BCL2L11: variants seen among roughly 807,000 people sequenced by gnomAD.
The protein encoded by BCL2L11 is bcl-2-like protein 11.
Under a neutral mutation model 20.6 loss-of-function variants are expected in BCL2L11, and 15 were observed. The observed-to-expected ratio is 0.73, with a 90% CI of 0.49 to 1.12. The LOEUF (loss-of-function observed/expected upper bound fraction) is 1.12, where lower values mean the gene tolerates loss of function less well. BCL2L11 is among the 50% of genes most tolerant of loss of function. The pLI is 0.00. For synonymous variants in BCL2L11, 108 were observed against 92.8 expected, an observed-to-expected ratio of 1.16 and a Z score of -0.94; for missense variants, 292 against 260.9, an observed-to-expected ratio of 1.12 and a Z score of -0.82.
intron 3 of BCL2L11, among the ~76,000 whole-genome samples, chr2:111,163,861 CTTTTTTTTTTTT>C (rs10547953): frequency 9.6e-6 from 1 of 104,706 alleles, no homozygotes; most frequent in South Asian, 3.6e-4. Flanking sequence ...TTTTTGAGTG[CTTTTTTTTTTTT>C]TTTTTTTTTT....
chr2:111,134,971 C>T (rs1334455540), intron 2 of BCL2L11, among the ~76,000 whole-genome samples: 1 of 152,166 alleles, frequency 6.6e-6, no homozygotes, highest in Admixed American at 6.5e-5. Context: ...TGTGATGTGT[C>T]TTGTCATGGG....
rs1041637510 is a variant in BCL2L11 at position 111,123,763 on chromosome 2, T to C, written c.18T>C (p.Ser6=). The change falls in exon 2 of 4, where the codon TCT becomes TCC. Residue 6 remains serine, a synonymous_variant. Coordinates refer to ENST00000393256, the MANE Select transcript of BCL2L11 (RefSeq NM_138621.5). MAKQP[S]DVSSECDREG... is the part of the protein sequence containing the mutation. ...AAGACCAAATGGCAAAGCAACCTTC[T>C]GATGTAAGTTCTGAGTGTGACCGAG... 3 of 1,391,116 alleles carry C rather than the reference T, an allele frequency of 2.2e-6. No homozygotes were observed. Among genetic ancestry groups the C allele is most frequent in the Non-Finnish European group, 9.4e-7 (1 of 1,065,382 alleles). 86.2% of individuals were successfully genotyped at this position (1,391,116 alleles called of 1,614,324 possible).
At chr2:111,142,419 TG>T in intron 2 of BCL2L11, 1 of 1,534,244 alleles carries the variant, frequency 6.5e-7, no homozygotes, top group Non-Finnish European at 8.8e-7. Context: ...TTATTCAAAA[TG>T]GGATAAAAAG....
intron 1 of BCL2L11, chr2:111,123,356 G>C (rs965076171): frequency 1.0e-6 from 1 of 985,374 alleles, no homozygotes; most frequent in Admixed American, 6.1e-5. Flanking sequence ...CCTGTGCTCC[G>C]GCGTCCTACC....
chr2:111,144,407 G>A (rs973966501), intron 2 of BCL2L11: 103 of 1,445,954 alleles, frequency 7.1e-5, no homozygotes, highest in Non-Finnish European at 9.3e-5. Context: ...TCTGAGAACC[G>A]TCAGAGTTGA....
chr2:111,133,522 A>G (rs1057472901), intron 2 of BCL2L11, among the ~76,000 whole-genome samples: 4 of 152,186 alleles, frequency 2.6e-5, no homozygotes, highest in African/African-American at 9.7e-5. Flanking sequence ...ATTTCCAAAA[A>G]TACCTAAGTG....
At position 111,150,262 on chromosome 2, in the gene BCL2L11, G is replaced by T. The variant is rs1389543370; in HGVS notation, c.498+115G>T. On this transcript the variant is annotated intron_variant, in intron 3 of 3. Coordinates refer to ENST00000393256, the MANE Select transcript of BCL2L11 (RefSeq NM_138621.5). ...CATGCTAATTCTGGAAATGATTACT[G>T]TTGCCTAGTTGTGACCTTTCATTGT... 4.0e-6 allele frequency: 6 copies of T among 1,508,996 alleles called. No homozygotes were observed. The African/African-American group carries it at 6.9e-5, about 17-fold the overall frequency. The allele number at this position is 1,508,996 out of a possible 1,614,324, so 93.5% of individuals were successfully genotyped here. A position where few individuals can be genotyped will look rare whatever the true frequency, so the allele number is the denominator to read the frequency against.
At chr2:111,148,336 G>T (rs1414048406) in intron 2 of BCL2L11, among the ~76,000 whole-genome samples, 1 of 152,126 alleles carries the variant, frequency 6.6e-6, no homozygotes, top group East Asian at 1.9e-4. Context: ...TCCCCTAAGG[G>T]CGAACTAACT....
chr2:111,162,267 C>T (rs562716276), intron 3 of BCL2L11, among the ~76,000 whole-genome samples: 8 of 152,318 alleles, frequency 5.3e-5, no homozygotes, highest in African/African-American at 7.2e-5. Flanking sequence ...AGCTTAAAAG[C>T]GTGTGCCATG....
intron 2 of BCL2L11, among the ~76,000 whole-genome samples, chr2:111,126,990 G>T (rs1359183073): frequency 1.4e-5 from 2 of 139,772 alleles, no homozygotes; most frequent in East Asian, 4.5e-4. Flanking sequence ...TTGAGTGTTT[G>T]TATTAACACT....
intron 2 of BCL2L11, 51 bp downstream of exon 2, chr2:111,124,190 C>T (rs1187900037): frequency 6.6e-7 from 1 of 1,515,948 alleles, no homozygotes; most frequent in Non-Finnish European, 8.9e-7. Context: ...GTTGAATCTG[C>T]TTGAAGGCTG....
chr2:111,153,764 T>G, intron 3 of BCL2L11: 3 of 1,552,240 alleles, frequency 1.9e-6, no homozygotes, highest in Non-Finnish European at 2.6e-6. Context: ...GACAGGATAT[T>G]TTCCCGTTTT....
At chr2:111,129,310 A>G (rs1183293209) in intron 2 of BCL2L11, among the ~76,000 whole-genome samples, 2 of 152,198 alleles carry the variant, frequency 1.3e-5, no homozygotes, top group Non-Finnish European at 2.9e-5. Context: ...GTTTGACACC[A>G]AGAGAAATAA....
intron 3 of BCL2L11, among the ~76,000 whole-genome samples, chr2:111,160,813 T>C (rs2078458058): frequency 6.6e-6 from 1 of 152,192 alleles, no homozygotes; most frequent in Non-Finnish European, 1.5e-5. Context: ...TTTTGCAATT[T>C]AGACTAAAAC....
chr2:111,143,926 G>T (rs1222526639), intron 2 of BCL2L11, among the ~76,000 whole-genome samples: 1 of 152,174 alleles, frequency 6.6e-6, no homozygotes, highest in African/African-American at 2.4e-5. Context: ...ACAGATAATA[G>T]TGAATGAGGG....
At chr2:111,150,238 A>G (rs1430666660) in intron 3 of BCL2L11, 91 bp downstream of exon 3, 5 of 1,529,998 alleles carry the variant, frequency 3.3e-6, no homozygotes, top group Non-Finnish European at 4.4e-6. Flanking sequence ...TTGTAACTAC[A>G]TGCTAATTCT....
At chr2:111,149,476 TG>T (rs1234470136) in intron 2 of BCL2L11, among the ~76,000 whole-genome samples, 1 of 152,344 alleles carries the variant, frequency 6.6e-6, no homozygotes, top group South Asian at 2.1e-4. Context: ...CATTTGGCCC[TG>T]GGGTAGCCAT....
In BCL2L11 at chr2:111,151,949, C is replaced by T. The variant is rs2077306671; in HGVS notation, c.498+1802C>T. ...TAACTTGTCACTGAAGTAACCATTC[C>T]CTCCAGTTCCTCTGCCTTGGTTTAC... On this transcript the variant is annotated intron_variant, in intron 3 of 3. Transcript: ENST00000393256. 1.2e-5 allele frequency: 17 copies of T among 1,376,116 alleles called. No individual in the cohort carries two copies. In the South Asian group the frequency reaches 2.0e-4, roughly 16 times the overall value. 85.2% of individuals were successfully genotyped at this position (1,376,116 alleles called of 1,614,324 possible). A position where few individuals can be genotyped will look rare whatever the true frequency, so the allele number is the denominator to read the frequency against.
At chr2:111,130,123 T>C in intron 2 of BCL2L11, 1 of 393,758 alleles carries the variant, frequency 2.5e-6, no homozygotes, top group African/African-American at 2.2e-5. Context: ...TTTTTTTTTT[T>C]TGTGACAGTC....
Sources: allele counts gnomAD v4.1 joint callset (sites outside exome capture counted in the v4.1 genomes callset), GRCh38; gene constraint gnomAD v4.1.1; transcripts MANE v1.5; gene names NCBI Gene and HGNC (gene_info 2026-07-23, HGNC 2026-07-21).